ELAPOR1: variants seen among roughly 807,000 people sequenced by gnomAD.
ELAPOR1 encodes endosome/lysosome-associated apoptosis and autophagy regulator 1.
Under a neutral mutation model 119.7 loss-of-function variants are expected in ELAPOR1, and 77 were observed. The ratio of observed to expected loss-of-function variants is 0.64; its 90% CI spans 0.54 to 0.78. The LOEUF (loss-of-function observed/expected upper bound fraction) is 0.78. ELAPOR1 is among the 30% of genes least tolerant of loss of function. The pLI, the probability that ELAPOR1 is intolerant of heterozygous loss-of-function variation, is 0.00. For missense variants in ELAPOR1, 1,115 were observed against 1,270.4 expected (o/e 0.88, Z 1.86); for synonymous variants, 481 against 487.2 (o/e 0.99, Z 0.17).
intron 1 of ELAPOR1, among the ~76,000 whole-genome samples, chr1:109,119,524 A>G (rs1570594502): frequency 6.6e-6 from 1 of 151,026 alleles, no homozygotes; most frequent in East Asian, 1.9e-4. Context: ...TCTCTAAACA[A>G]TCTTATTTAG....
chr1:109,166,335 G>A (rs1488037064), intron 3 of ELAPOR1, among the ~76,000 whole-genome samples: 1 of 152,198 alleles, frequency 6.6e-6, no homozygotes, highest in Non-Finnish European at 1.5e-5. Flanking sequence ...TTACAGGCAT[G>A]GGCCACCTTG....
chr1:109,153,280 C>T (rs920365701), intron 1 of ELAPOR1, among the ~76,000 whole-genome samples: 2 of 152,088 alleles, frequency 1.3e-5, no homozygotes, highest in African/African-American at 4.8e-5. Flanking sequence ...GAAACTCATA[C>T]TCTTTAACCT....
Position 109,200,802 on chromosome 1 carries a change from G to T in ELAPOR1, c.2875G>T (p.Asp959Tyr), listed in dbSNP as rs879647162. The stretch of plus-strand genomic sequence containing the variant: ...CAAGGACTGTGACCTGCCAGCAGCT[G>T]ACAGCTGCGCCATCATGGAAGGCGA... Reference protein sequence around the residue: ...TLKDCDLPAADSCAIMEGEDV... With the variant: ...TLKDCDLPAAYSCAIMEGEDV... The change falls in exon 21 of 22, where the codon GAC becomes TAC. Residue 959 changes from aspartate (D) to tyrosine (Y), a missense_variant. Physicochemically the swap from Asp to Tyr is radical, Grantham distance 160 (BLOSUM62 -3). Transcript: ENST00000369939. The T allele has an allele frequency of 8.7e-6, 14 of 1,614,212 alleles. No homozygotes were observed. Among genetic ancestry groups the T allele is most frequent in the Admixed American group, 3.3e-5 (2 of 60,030 alleles).
At chr1:109,187,354 AAGG>A in intron 8 of ELAPOR1, 1 of 985,492 alleles carries the variant, frequency 1.0e-6, no homozygotes, top group Non-Finnish European at 1.2e-6. Flanking sequence ...TGAGCAGGGG[AAGG>A]AGGAGCCCAG....
chr1:109,185,451 A>G (rs1434573260), intron 8 of ELAPOR1, among the ~76,000 whole-genome samples: 1 of 152,124 alleles, frequency 6.6e-6, no homozygotes, highest in African/African-American at 2.4e-5. Context: ...GCCTGTCCGT[A>G]CACAATGTCC....
Position 109,191,983 on chromosome 1 carries a change from G to T in ELAPOR1, c.1683+120G>T, listed in dbSNP as rs549861859. The T allele has an allele frequency of 1.4e-5, 18 of 1,270,130 alleles. No individual in the cohort carries two copies. In the African/African-American group the frequency reaches 2.2e-4, roughly 16 times the overall value. 78.7% of individuals were successfully genotyped at this position (1,270,130 alleles called of 1,614,324 possible). A position where few individuals can be genotyped will look rare whatever the true frequency, so the allele number is the denominator to read the frequency against. Reference sequence around the variant, plus strand: ...TCTGAGGGTTAGAAGGATCTCAGGGGGTCAAGCAGAAAACTGCCTAACCCA... The same window carrying T: ...TCTGAGGGTTAGAAGGATCTCAGGGTGTCAAGCAGAAAACTGCCTAACCCA... On this transcript the variant is annotated intron_variant, in intron 13 of 21. Coordinates refer to ENST00000369939, the MANE Select transcript of ELAPOR1 (RefSeq NM_020775.5).
At chr1:109,187,722 A>C in intron 8 of ELAPOR1, 1 of 882,992 alleles carries the variant, frequency 1.1e-6, no homozygotes, top group African/African-American at 1.8e-5. Flanking sequence ...AGAGCAAAGA[A>C]TGTACCACTC....
chr1:109,187,318 G>C (rs946409465), intron 8 of ELAPOR1: 1 of 985,356 alleles, frequency 1.0e-6, no homozygotes, highest in East Asian at 1.1e-4. Flanking sequence ...GGCTGTCGCA[G>C]CCCTCCGCAG....
chr1:109,167,432 A>C (rs1651667618), intron 3 of ELAPOR1, among the ~76,000 whole-genome samples: 2 of 152,136 alleles, frequency 1.3e-5, no homozygotes, highest in South Asian at 4.1e-4. Context: ...TTTCCCCATC[A>C]TCCCTCAGAA....
In ELAPOR1 at chr1:109,165,314, C is replaced by T. The variant is rs566123631; in HGVS notation, c.467+623C>T. On this transcript the variant is annotated intron_variant, in intron 3 of 21. Transcript: ENST00000369939. ...TTGAAAAACAAAAACCGGCAGGGCG[C>T]GGTGGCTCACGCCTGTAATCCCAGC... Among the ~76,000 whole-genome samples the T allele has an allele frequency of 3.0e-4, 45 of 152,200 alleles. 1 individual carries two copies. Among genetic ancestry groups the T allele is most frequent in the Admixed American group, 1.8e-3 (28 of 15,290 alleles).
At chr1:109,183,773 C>T (rs1370243934) in intron 7 of ELAPOR1, among the ~76,000 whole-genome samples, 13 of 152,134 alleles carry the variant, frequency 8.5e-5, no homozygotes, top group African/African-American at 1.2e-4. Context: ...TGCACCACCA[C>T]GCCCGGCTAA....
At chr1:109,190,097 G>A (rs1460605216) in intron 11 of ELAPOR1, among the ~76,000 whole-genome samples, 2 of 152,046 alleles carry the variant, frequency 1.3e-5, no homozygotes, top group African/African-American at 4.8e-5. Flanking sequence ...GAAGACCTAG[G>A]GCAACACGAA....
rs1054535630 is a variant in ELAPOR1 at position 109,186,921 on chromosome 1, C to T, written c.1042-1256C>T. 23 of 985,514 alleles carry T rather than the reference C, an allele frequency of 2.3e-5. No homozygotes were observed. In the Admixed American group the frequency reaches 6.1e-4, roughly 26 times the overall value. 61.0% of individuals were successfully genotyped at this position (985,514 alleles called of 1,614,324 possible). ...TGGGTCAGACCAAAGCCTGTGTTCCCGCCTTGCAGCACAGCCAAGGCCCAG... is the reference window on the plus strand; with the variant it reads ...TGGGTCAGACCAAAGCCTGTGTTCCTGCCTTGCAGCACAGCCAAGGCCCAG... On this transcript the variant is annotated intron_variant, in intron 8 of 21. Transcript: ENST00000369939.
intron 1 of ELAPOR1, among the ~76,000 whole-genome samples, chr1:109,147,989 C>A (rs1650285265): frequency 7.6e-6 from 1 of 130,952 alleles, no homozygotes. Flanking sequence ...GCCACCACGC[C>A]CGGCTAATTT....
At chr1:109,160,644 A>G (rs1651190425) in intron 1 of ELAPOR1, among the ~76,000 whole-genome samples, 1 of 152,232 alleles carries the variant, frequency 6.6e-6, no homozygotes, top group Admixed American at 6.5e-5. Flanking sequence ...GACGTTATAC[A>G]TGTTATGCAA....
At chr1:109,191,639 C>A (rs758320943) in intron 12 of ELAPOR1, 87 bp from the exon 13 acceptor site, 106 of 1,557,276 alleles carry the variant, frequency 6.8e-5, no homozygotes, top group Non-Finnish European at 8.9e-5. Flanking sequence ...TCTCACCAAC[C>A]GTGATGGCAC....
At chr1:109,189,494 A>G in intron 10 of ELAPOR1, 98 bp from the exon 11 acceptor site, 7 of 1,146,050 alleles carry the variant, frequency 6.1e-6, no homozygotes, top group South Asian at 5.1e-5. Context: ...GGGCGCCTCA[A>G]AAGATGGTGT....
At chr1:109,134,674 G>T (rs1410657997) in intron 1 of ELAPOR1, among the ~76,000 whole-genome samples, 1 of 152,084 alleles carries the variant, frequency 6.6e-6, no homozygotes, top group African/African-American at 2.4e-5. Context: ...TGTAGATAAA[G>T]CCCTGCGGAG....
At chr1:109,121,922 C>T (rs966772025) in intron 1 of ELAPOR1, among the ~76,000 whole-genome samples, 2 of 151,650 alleles carry the variant, frequency 1.3e-5, no homozygotes, top group Non-Finnish European at 2.9e-5. Flanking sequence ...TACAGGCACC[C>T]GTCACCACGC....
Sources: allele counts gnomAD v4.1 joint callset (sites outside exome capture counted in the v4.1 genomes callset), GRCh38; gene constraint gnomAD v4.1.1; transcripts MANE v1.5; gene names NCBI Gene and HGNC (gene_info 2026-07-23, HGNC 2026-07-21).